SAMD5: variants seen among roughly 807,000 people sequenced by gnomAD.
The protein encoded by SAMD5 is sterile alpha motif domain-containing protein 5.
SAMD5 carries 13 observed loss-of-function variants against 11.3 expected under a neutral mutation model. That is an observed-to-expected ratio of 1.15 (90% confidence interval 0.75 to 1.83). The LOEUF is 1.83. Ranked by LOEUF, SAMD5 falls within the 40% of genes most tolerant of loss-of-function variation. The probability of loss-of-function intolerance (pLI) is 0.00; values close to 1 mark genes in which losing one functional copy is unlikely to be tolerated. For missense variants in SAMD5, 255 were observed against 239.1 expected, an observed-to-expected ratio of 1.07 and a Z score of -0.44; for synonymous variants, 129 against 111.3, an observed-to-expected ratio of 1.16 and a Z score of -1.00.
At chr6:147,514,005 A>G (rs1788128174) in intron 1 of SAMD5, among the ~76,000 whole-genome samples, 1 of 152,176 alleles carries the variant, frequency 6.6e-6, no homozygotes, top group Non-Finnish European at 1.5e-5. Flanking sequence ...TTACAGCCGG[A>G]GGAGGAAGGG....
rs573041493 is a variant in SAMD5, at chr6:147,565,724, C to A, written c.*1268C>A. ...ATCCACTCGCCGTGGCCTCCAGTAG[C>A]GCTGGGATTACAGGCGTGAGCCATC... On this transcript the variant is annotated 3_prime_UTR_variant, in exon 2 of 2. Coordinates refer to ENST00000367474, the MANE Select transcript of SAMD5 (RefSeq NM_001030060.3). 5 of 971,696 alleles carry A rather than the reference C, an allele frequency of 5.1e-6. No homozygotes were observed. The highest frequency in any genetic ancestry group is 6.2e-5 in the Admixed American group (1 of 16,230). 60.2% of individuals were successfully genotyped at this position (971,696 alleles called of 1,614,324 possible). A position where few individuals can be genotyped will look rare whatever the true frequency, so the allele number is the denominator to read the frequency against.
intron 1 of SAMD5, among the ~76,000 whole-genome samples, chr6:147,698,276 G>C (rs955631281): frequency 6.6e-6 from 1 of 152,020 alleles, no homozygotes; most frequent in Non-Finnish European, 1.5e-5. Context: ...TCATTATGAG[G>C]GTTCCACCTC....
chr6:147,684,859 A>C (rs1242245131), intron 1 of SAMD5, among the ~76,000 whole-genome samples: 1 of 152,214 alleles, frequency 6.6e-6, no homozygotes, highest in Non-Finnish European at 1.5e-5. Flanking sequence ...TTGTCAAAAT[A>C]TATTTTAAAA....
At chr6:147,738,665 A>G (rs562794473), downstream of SAMD5, among the ~76,000 whole-genome samples, 3 of 152,258 alleles carry the variant, frequency 2.0e-5, no homozygotes, top group East Asian at 1.9e-4. Flanking sequence ...CCAGATGTCT[A>G]TCTGCAGGTT....
chr6:147,669,425 T>A, intron 1 of SAMD5, among the ~76,000 whole-genome samples: 1 of 139,152 alleles, frequency 7.2e-6, no homozygotes, highest in Middle Eastern at 3.4e-3. Flanking sequence ...CACTTCTTTT[T>A]TTTTTTTTTT....
chr6:147,740,225 G>A (rs905553802), downstream of SAMD5, among the ~76,000 whole-genome samples: 5 of 151,986 alleles, frequency 3.3e-5, no homozygotes, highest in South Asian at 2.1e-4. Context: ...GTCATGCAAC[G>A]CTGCCTCTTT....
the SAMD5 span, among the ~76,000 whole-genome samples, chr6:147,795,262 G>C: frequency 1.8e-4 from 24 of 135,624 alleles, no homozygotes; most frequent in East Asian, 3.8e-3. Flanking sequence ...TCCCCTTCCC[G>C]TGTCCATGTG....
At chr6:147,915,088 A>G in the SAMD5 span, among the ~76,000 whole-genome samples, 1 of 152,218 alleles carries the variant, frequency 6.6e-6, no homozygotes, top group South Asian at 2.1e-4. Context: ...AAAGGACATT[A>G]TTGAGTCAAT....
At chr6:147,676,574 A>G (rs1790866013) in intron 1 of SAMD5, among the ~76,000 whole-genome samples, 1 of 152,124 alleles carries the variant, frequency 6.6e-6, no homozygotes, top group African/African-American at 2.4e-5. Context: ...GAATTCAACG[A>G]GGGTAGGGAT....
the SAMD5 span, among the ~76,000 whole-genome samples, chr6:147,924,409 A>C: frequency 0.23 from 35,540 of 152,024 alleles, 4,823 homozygotes; most frequent in African/African-American, 0.36. Flanking sequence ...TAATTTAACC[A>C]AGTTATAAAG....
chr6:147,741,199 G>C (rs138698478), downstream of SAMD5, among the ~76,000 whole-genome samples: 179 of 152,138 alleles, frequency 1.2e-3, no homozygotes, highest in Non-Finnish European at 1.9e-3. Flanking sequence ...TCAAACCAGG[G>C]GTTTGAGAAA....
At chr6:147,645,477 T>C (rs995875487) in intron 1 of SAMD5, among the ~76,000 whole-genome samples, 7 of 152,118 alleles carry the variant, frequency 4.6e-5, no homozygotes, top group Admixed American at 2.6e-4. Flanking sequence ...GTTAGAATAA[T>C]AGAATTTTTC....
the SAMD5 span, among the ~76,000 whole-genome samples, chr6:147,878,407 A>T: frequency 6.6e-6 from 1 of 151,434 alleles, no homozygotes; most frequent in South Asian, 2.1e-4. Context: ...TGGCCTAATC[A>T]CCTCCCAACG....
intron 1 of SAMD5, among the ~76,000 whole-genome samples, chr6:147,516,768 C>T (rs1380920974): frequency 6.6e-6 from 1 of 152,168 alleles, no homozygotes; most frequent in East Asian, 1.9e-4. Context: ...GATCATATGG[C>T]CCAAGTCGCA....
At chr6:147,591,430 C>T (rs1040366015) in intron 1 of SAMD5, among the ~76,000 whole-genome samples, 2 of 152,152 alleles carry the variant, frequency 1.3e-5, no homozygotes, top group Non-Finnish European at 2.9e-5. Context: ...GGTCACCGCA[C>T]TCGGGAGGGG....
At chr6:147,551,919 A>G (rs903498002) in intron 1 of SAMD5, among the ~76,000 whole-genome samples, 8 of 150,650 alleles carry the variant, frequency 5.3e-5, no homozygotes, top group African/African-American at 2.0e-4. Flanking sequence ...TTTGTATTCT[A>G]TGTCACACAG....
At chr6:147,886,778 G>T in the SAMD5 span, among the ~76,000 whole-genome samples, 1 of 152,194 alleles carries the variant, frequency 6.6e-6, no homozygotes, top group Non-Finnish European at 1.5e-5. Flanking sequence ...ATTGGAAAGG[G>T]TCACATGACA....
chr6:147,600,263 C>A (rs994883134), intron 1 of SAMD5, among the ~76,000 whole-genome samples: 1 of 152,120 alleles, frequency 6.6e-6, no homozygotes, highest in Non-Finnish European at 1.5e-5. Context: ...TCTCCCTGAC[C>A]CCTCGTCTCC....
intron 1 of SAMD5, among the ~76,000 whole-genome samples, chr6:147,577,643 A>C (rs1457595279): frequency 2.0e-5 from 3 of 152,148 alleles, no homozygotes; most frequent in Non-Finnish European, 4.4e-5. Flanking sequence ...TATATTTTCT[A>C]AAAATCTTGG....
Sources: allele counts gnomAD v4.1 joint callset (sites outside exome capture counted in the v4.1 genomes callset), GRCh38; gene constraint gnomAD v4.1.1; transcripts MANE v1.5; gene names NCBI Gene and HGNC (gene_info 2026-07-23, HGNC 2026-07-21).